The following ARFGEF2 variants were observed in gnomAD, a reference collection of about 807,000 sequenced individuals.
ARFGEF2 encodes ARF guanine nucleotide exchange factor 2.
A neutral mutation model predicts 219.9 loss-of-function variants in ARFGEF2; 74 were observed. The observed-to-expected ratio is 0.34, with a 90% CI of 0.28 to 0.41. The LOEUF is 0.41. Among genes scored for constraint, ARFGEF2 ranks in the 10% least tolerant of loss-of-function variants. The pLI is 1.00. For missense variants in ARFGEF2, 1,743 were observed against 2,218.3 expected (o/e 0.79, Z 4.30); for synonymous variants, 733 against 799.2 (o/e 0.92, Z 1.40).
At chr20:48,937,723 G>C (rs1306129353) in intron 1 of ARFGEF2, among the ~76,000 whole-genome samples, 2 of 152,190 alleles carry the variant, frequency 1.3e-5, no homozygotes, top group East Asian at 1.9e-4. Context: ...ACTCTTTCCT[G>C]GTCACAGGAG....
intron 1 of ARFGEF2, among the ~76,000 whole-genome samples, chr20:48,932,581 G>A (rs2090920046): frequency 6.6e-6 from 1 of 152,212 alleles, no homozygotes; most frequent in Non-Finnish European, 1.5e-5. Context: ...AGGTCAGAGA[G>A]AGTCCAGGCT....
intron 38 of ARFGEF2, among the ~76,000 whole-genome samples, chr20:49,032,648 A>G (rs929436522): frequency 2.6e-5 from 4 of 151,306 alleles, no homozygotes; most frequent in African/African-American, 9.7e-5. Flanking sequence ...GCTGGAATGC[A>G]GTGACGTAAT....
intron 3 of ARFGEF2, among the ~76,000 whole-genome samples, chr20:48,942,548 G>A (rs1000355051): frequency 1.5e-5 from 2 of 137,086 alleles, no homozygotes; most frequent in African/African-American, 5.6e-5. Context: ...GCAATGGCGC[G>A]ACCTCAGCTC....
chr20:48,999,746 T>TAAAAAAAAAA (rs761792091), intron 25 of ARFGEF2, among the ~76,000 whole-genome samples: 2 of 111,408 alleles, frequency 1.8e-5, no homozygotes, highest in African/African-American at 7.0e-5. Flanking sequence ...GACTCCGTCT[T>TAAAAAAAAAA]AAAAAAAAAA....
chr20:48,990,902 T>C (rs1345985169), intron 20 of ARFGEF2, 138 bp from the exon 21 acceptor site: 8 of 934,132 alleles, frequency 8.6e-6, no homozygotes, highest in South Asian at 1.4e-5. Context: ...ATGGAATAAC[T>C]GTTGTGCTAA....
chr20:49,010,059 A>AG (rs1412077147), intron 26 of ARFGEF2, among the ~76,000 whole-genome samples, 173 bp from the exon 27 acceptor site: 3 of 152,198 alleles, frequency 2.0e-5, no homozygotes, highest in African/African-American at 7.2e-5. Context: ...TTGTAGCTCT[A>AG]TGCAGCATGC....
chr20:49,021,981 C>T (rs1408681701), intron 34 of ARFGEF2, among the ~76,000 whole-genome samples: 1 of 151,602 alleles, frequency 6.6e-6, no homozygotes, highest in Non-Finnish European at 1.5e-5. Flanking sequence ...AACCCCATCT[C>T]TCCTAAAATT....
Position 49,005,100 on chromosome 20 carries a change from A to T in ARFGEF2, c.3463A>T (p.Ile1155Phe), listed in dbSNP as rs141326036. The change falls in exon 26 of 39, where the codon ATC (isoleucine) becomes TTC (phenylalanine). Residue 1155 changes from isoleucine (I) to phenylalanine (F), a missense_variant. By Grantham distance (21) the Ile-to-Phe change is conservative. This residue lies in a region of ARFGEF2 where 102 missense variants were observed against 146.8 expected (regional missense o/e 0.69). Transcript: ENST00000371917. ...VGCNPNEDVA[I>F]FAVDSLRQLS... ...CTGCAACCCTAATGAAGATGTGGCT[A>T]TCTTTGCTGTTGACTCATTAAGGCA... 1 of 1,614,164 alleles carries T rather than the reference A, an allele frequency of 6.2e-7. No individual in the cohort carries two copies. The highest frequency in any genetic ancestry group is 8.5e-7 in the Non-Finnish European group (1 of 1,180,026).
intron 6 of ARFGEF2, among the ~76,000 whole-genome samples, chr20:48,962,570 A>G (rs988465884): frequency 1.3e-5 from 2 of 152,250 alleles, no homozygotes; most frequent in African/African-American, 2.4e-5. Context: ...TTTGAGTAAC[A>G]GTGATCTAGT....
chr20:48,974,550 G>T (rs1278630216), intron 12 of ARFGEF2, among the ~76,000 whole-genome samples: 2 of 152,046 alleles, frequency 1.3e-5, no homozygotes, highest in African/African-American at 4.8e-5. Flanking sequence ...TTTTGCTGCT[G>T]GGGTGTTTAT....
intron 1 of ARFGEF2, 68 bp downstream of exon 1, chr20:48,922,078 G>C (rs1391322808): frequency 1.3e-6 from 2 of 1,517,682 alleles, no homozygotes; most frequent in Non-Finnish European, 8.9e-7. Flanking sequence ...TATCCTACTC[G>C]GCCTTGGCCC....
At chr20:49,003,001 T>C (rs1244662604) in intron 25 of ARFGEF2, among the ~76,000 whole-genome samples, 3 of 138,020 alleles carry the variant, frequency 2.2e-5, no homozygotes, top group Non-Finnish European at 4.7e-5. Context: ...CGGATCTTGC[T>C]CTGTCACCCA....
intron 23 of ARFGEF2, among the ~76,000 whole-genome samples, chr20:48,997,020 T>C (rs1490744650): frequency 6.6e-6 from 1 of 152,096 alleles, no homozygotes; most frequent in Non-Finnish European, 1.5e-5. Flanking sequence ...TTTCCCTTTT[T>C]ATTATTTTAA....
At chr20:49,026,865 C>T (rs975128367) in intron 36 of ARFGEF2, among the ~76,000 whole-genome samples, 2 of 152,054 alleles carry the variant, frequency 1.3e-5, no homozygotes, top group African/African-American at 4.8e-5. Flanking sequence ...GGATTACAGG[C>T]ATGAGCCACT....
intron 6 of ARFGEF2, among the ~76,000 whole-genome samples, chr20:48,962,176 G>A (rs911255916): frequency 8.5e-5 from 13 of 152,098 alleles, no homozygotes; most frequent in African/African-American, 1.4e-4. Flanking sequence ...GTGAAACTCC[G>A]TCTCAAATAA....
Position 48,972,409 on chromosome 20 carries a change from G to A in ARFGEF2, c.1509G>A (p.Leu503=), listed in dbSNP as rs1421791604. ...ACAGGTGGATGGTCATTCAGACTCTGACGAGGATCTGTGCAGGTATTTCCA... is the reference window on the plus strand; with the variant it reads ...ACAGGTGGATGGTCATTCAGACTCTAACGAGGATCTGTGCAGGTATTTCCA... ...FEHRWMVIQT[L]TRICADAQCV... The change falls in exon 11 of 39, where the codon CTG becomes CTA. Residue 503 remains leucine (L), a synonymous_variant. Coordinates refer to ENST00000371917, the MANE Select transcript of ARFGEF2 (RefSeq NM_006420.3). The A allele has an allele frequency of 4.3e-6, 7 of 1,613,786 alleles. No individual in the cohort carries two copies. The highest frequency in any genetic ancestry group is 3.3e-5 in the Admixed American group (2 of 60,026).
Position 48,995,799 on chromosome 20 carries a change from C to A in ARFGEF2, c.3138C>A (p.Gly1046=), listed in dbSNP as rs141999385. Reference sequence around the variant, plus strand: ...GTGTTTCAGGTAATTTGGTGAGTGGCGGAGTGGATAAAAGACAGATGGCCA... The same window carrying A: ...GTGTTTCAGGTAATTTGGTGAGTGGAGGAGTGGATAAAAGACAGATGGCCA... ...MGLGLGNLVS[G]GVDKRQMASF... Residue 1046 remains glycine (G), a synonymous_variant, in exon 23 of 39, where the codon GGC becomes GGA. Transcript: ENST00000371917. 1.9e-6 allele frequency: 3 copies of A among 1,613,816 alleles called. No homozygotes were observed. Among genetic ancestry groups the A allele is most frequent in the Non-Finnish European group, 2.5e-6 (3 of 1,179,966 alleles).
chr20:49,025,134 T>G (rs1600557712), intron 35 of ARFGEF2, among the ~76,000 whole-genome samples, 179 bp from the exon 36 acceptor site: 1 of 152,196 alleles, frequency 6.6e-6, no homozygotes, highest in African/African-American at 2.4e-5. Flanking sequence ...GCTCAGTGTG[T>G]TCCTTCACCA....
chr20:48,941,300 T>A, intron 2 of ARFGEF2, 71 bp downstream of exon 2: 2 of 1,504,002 alleles, frequency 1.3e-6, no homozygotes, highest in Non-Finnish European at 1.8e-6. Flanking sequence ...GGGAGCCTCT[T>A]TCTCTGCTTG....
Sources: gnomAD v4.1 joint callset for allele counts (sites outside exome capture counted in the v4.1 genomes callset) on GRCh38, gnomAD v4.1.1 for gene constraint, gnomAD v4.1.1 regional missense constraint, MANE v1.5 for transcripts, NCBI Gene and HGNC (gene_info 2026-07-23, HGNC 2026-07-21) for gene names.